USP37: variants seen among roughly 807,000 people sequenced by gnomAD.
USP37 encodes the protein ubiquitin carboxyl-terminal hydrolase 37.
Under a neutral mutation model 124.0 loss-of-function variants are expected in USP37, and 27 were observed. The ratio of observed to expected loss-of-function variants is 0.22; its 90% CI spans 0.16 to 0.30. The LOEUF (loss-of-function observed/expected upper bound fraction) is 0.30. Among genes scored for constraint, USP37 ranks in the 10% least tolerant of loss-of-function variants. The pLI is 1.00. For synonymous variants in USP37, 365 were observed against 388.0 expected, an observed-to-expected ratio of 0.94 and a Z score of 0.70; for missense variants, 889 against 1,140.4, an observed-to-expected ratio of 0.78 and a Z score of 3.17.
At chr2:218,474,591 T>C (rs1294892613) in intron 20 of USP37, 39 bp downstream of exon 20, 2 of 1,600,792 alleles carry the variant, frequency 1.2e-6, no homozygotes, top group Non-Finnish European at 1.7e-6. Context: ...GAAAGAGTTA[T>C]GTTTTGTTTC....
chr2:218,545,099 G>C (rs935454363), intron 8 of USP37, among the ~76,000 whole-genome samples: 2 of 152,206 alleles, frequency 1.3e-5, no homozygotes, highest in East Asian at 1.9e-4. Context: ...TGGAAGAATA[G>C]TGAACTGGGT....
chr2:218,523,570 C>CGG (rs138904755), intron 10 of USP37, among the ~76,000 whole-genome samples: 1 of 151,088 alleles, frequency 6.6e-6, no homozygotes, highest in Non-Finnish European at 1.5e-5. Flanking sequence ...TGTTTTTTGG[C>CGG]GGGGGGGTCT....
chr2:218,520,363 T>TTTTTTTTTTTTTTTTTTTTTTTTTTTTC (rs1690537666), intron 10 of USP37, among the ~76,000 whole-genome samples: 1 of 149,998 alleles, frequency 6.7e-6, no homozygotes, highest in Admixed American at 6.6e-5. Context: ...TTTTTTTTTT[T>TTTTTTTTTTTTTTTTTTTTTTTTTTTTC]CCAGAGACAG....
chr2:218,539,686 G>A (rs1186393036), intron 8 of USP37, among the ~76,000 whole-genome samples: 1 of 151,694 alleles, frequency 6.6e-6, no homozygotes, highest in African/African-American at 2.4e-5. Context: ...CTGCACTCCA[G>A]CCCAGGTAAT....
intron 10 of USP37, among the ~76,000 whole-genome samples, chr2:218,521,946 C>T (rs966992516): frequency 5.9e-5 from 9 of 151,994 alleles, no homozygotes; most frequent in Admixed American, 2.0e-4. Context: ...GTGATCACAG[C>T]ACACTGCAGC....
At chr2:218,552,674 T>C (rs1482212366) in intron 5 of USP37, among the ~76,000 whole-genome samples, 2 of 152,010 alleles carry the variant, frequency 1.3e-5, no homozygotes, top group African/African-American at 2.4e-5. Flanking sequence ...CTATTTTAAA[T>C]GAAAGGGGTT....
At chr2:218,529,366 A>G (rs1447319960) in intron 10 of USP37, among the ~76,000 whole-genome samples, 1 of 151,948 alleles carries the variant, frequency 6.6e-6, no homozygotes, top group East Asian at 1.9e-4. Context: ...GTGTGCTGAC[A>G]GGCACCTGTA....
chr2:218,535,133 A>G (rs866917695), intron 8 of USP37, among the ~76,000 whole-genome samples: 1 of 151,644 alleles, frequency 6.6e-6, no homozygotes, highest in South Asian at 2.1e-4. Context: ...TGGGAGGCTG[A>G]GGCGGGCAGA....
intron 8 of USP37, among the ~76,000 whole-genome samples, chr2:218,536,017 C>CAAAAAAAAAAAAAAAAAAAAAA (rs59248363): frequency 1.2e-5 from 1 of 80,832 alleles, no homozygotes; most frequent in African/African-American, 4.5e-5. Context: ...GACTTCATCT[C>CAAAAAAAAAAAAAAAAAAAAAA]AAAAAAAAAA....
At chr2:218,506,624 C>CT (rs1423485266) in intron 11 of USP37, among the ~76,000 whole-genome samples, 1 of 131,794 alleles carries the variant, frequency 7.6e-6, no homozygotes, top group Non-Finnish European at 1.7e-5. Context: ...TTTTTTTCAT[C>CT]TTTTTTTCCC....
intron 13 of USP37, 90 bp from the exon 14 acceptor site, chr2:218,496,040 T>C (rs190107113): frequency 1.3e-5 from 17 of 1,329,358 alleles, no homozygotes; most frequent in Non-Finnish European, 2.0e-6. Flanking sequence ...ATACCTGTAA[T>C]TCCAGCACTC....
Position 218,534,599 on chromosome 2 carries a change from A to G in USP37, c.778+10T>C. 1 of 1,562,772 alleles carries G rather than the reference A, an allele frequency of 6.4e-7. No individual in the cohort carries two copies. Among genetic ancestry groups the G allele is most frequent in the African/African-American group, 1.4e-5 (1 of 73,370 alleles). ...TGAGCACCTTATTTATTGTAAGATCAAACACTTACCTGATGTCCTATTCTC... is the reference window on the plus strand; with the variant it reads ...TGAGCACCTTATTTATTGTAAGATCGAACACTTACCTGATGTCCTATTCTC... On this transcript the variant is annotated intron_variant, in intron 9 of 25. Transcript: ENST00000258399.
intron 13 of USP37, among the ~76,000 whole-genome samples, chr2:218,497,274 T>C (rs1166688122): frequency 2.0e-5 from 3 of 151,512 alleles, no homozygotes; most frequent in Admixed American, 6.6e-5. Flanking sequence ...GGTTTCACCA[T>C]GTTGGCCAGG....
rs1690317566 is a variant in USP37, at chr2:218,466,315, C to T, written c.2300-139G>A. Reference sequence around the variant, plus strand: ...GCTTAGGACATACAATTTCACCTTACTAGATCTACGTCAGGGTTGATCAAC... The same window carrying T: ...GCTTAGGACATACAATTTCACCTTATTAGATCTACGTCAGGGTTGATCAAC... On this transcript the variant is annotated intron_variant, in intron 20 of 25. Coordinates refer to ENST00000258399, the MANE Select transcript of USP37 (RefSeq NM_020935.3). The T allele has an allele frequency of 2.2e-5, 21 of 965,110 alleles. No individual in the cohort carries two copies. In the South Asian group the frequency reaches 3.7e-4, roughly 17 times the overall value. 59.8% of individuals were successfully genotyped at this position (965,110 alleles called of 1,614,324 possible). A position where few individuals can be genotyped will look rare whatever the true frequency, so the allele number is the denominator to read the frequency against.
intron 14 of USP37, among the ~76,000 whole-genome samples, chr2:218,494,122 T>A (rs666546): frequency 0.99 from 150,885 of 152,352 alleles, 74,733 homozygotes; most frequent in Middle Eastern, 1. Context: ...GGGGGAAAAG[T>A]CTGATGAAGT....
chr2:218,473,463 C>T (rs1368555171), intron 20 of USP37, among the ~76,000 whole-genome samples: 1 of 152,074 alleles, frequency 6.6e-6, no homozygotes, highest in African/African-American at 2.4e-5. Flanking sequence ...TACTTGCATG[C>T]AAAATAATTC....
chr2:218,550,337 C>T (rs1692594207), intron 5 of USP37, among the ~76,000 whole-genome samples: 1 of 152,028 alleles, frequency 6.6e-6, no homozygotes, highest in Non-Finnish European at 1.5e-5. Flanking sequence ...TAAGTTTATC[C>T]AGCAGAATAA....
At chr2:218,556,779 C>T (rs1284959576) in intron 4 of USP37, among the ~76,000 whole-genome samples, 1 of 151,978 alleles carries the variant, frequency 6.6e-6, no homozygotes, top group African/African-American at 2.4e-5. Context: ...TCCCAAAGTG[C>T]TGGGATTACA....
chr2:218,535,331 A>T (rs1433308040), intron 8 of USP37, among the ~76,000 whole-genome samples: 1 of 151,108 alleles, frequency 6.6e-6, no homozygotes, highest in Non-Finnish European at 1.5e-5. Context: ...GCGCCACTGC[A>T]CTCCAGCTTG....
Sources: allele counts gnomAD v4.1 joint callset (sites outside exome capture counted in the v4.1 genomes callset), GRCh38; gene constraint gnomAD v4.1.1; transcripts MANE v1.5; gene names NCBI Gene and HGNC (gene_info 2026-07-23, HGNC 2026-07-21).